DPP10: variants seen among roughly 807,000 people sequenced by gnomAD.
DPP10 encodes the protein dipeptidyl peptidase like 10, also known as inactive dipeptidyl peptidase 10.
In DPP10, 33 loss-of-function variants were observed where a neutral mutation model predicts 120.9. The observed-to-expected ratio is 0.27, with a 90% CI of 0.21 to 0.37. The LOEUF (loss-of-function observed/expected upper bound fraction) is 0.37, where lower values mean the gene tolerates loss of function less well. Ranked by LOEUF, DPP10 falls within the 10% of genes least tolerant of loss-of-function variation. The pLI is 1.00. For synonymous variants in DPP10, 337 were observed against 326.1 expected, an observed-to-expected ratio of 1.03 and a Z score of -0.36; for missense variants, 816 against 942.8, an observed-to-expected ratio of 0.87 and a Z score of 1.76.
intron 19 of DPP10, among the ~76,000 whole-genome samples, chr2:115,793,429 T>C (rs1325382171): frequency 1.3e-5 from 2 of 152,152 alleles, no homozygotes; most frequent in Non-Finnish European, 2.9e-5. Flanking sequence ...ATTATTAGTA[T>C]GGTGCAAAAG....
intron 1 of DPP10, among the ~76,000 whole-genome samples, chr2:115,151,218 G>C (rs772105659): frequency 2.6e-5 from 4 of 152,010 alleles, no homozygotes; most frequent in Non-Finnish European, 5.9e-5. Context: ...GTTACTGTTG[G>C]AAAGTTTAAT....
intron 1 of DPP10, among the ~76,000 whole-genome samples, chr2:115,208,563 A>G (rs973190993): frequency 2.6e-5 from 4 of 152,176 alleles, no homozygotes; most frequent in Non-Finnish European, 5.9e-5. Flanking sequence ...TAGACTCAAA[A>G]TCTGCTTTTT....
intron 1 of DPP10, among the ~76,000 whole-genome samples, chr2:115,232,571 A>T (rs2057789195): frequency 6.6e-6 from 1 of 152,218 alleles, no homozygotes; most frequent in South Asian, 2.1e-4. Flanking sequence ...ACTCTTCTGA[A>T]CATGTATAGA....
intron 11 of DPP10, among the ~76,000 whole-genome samples, chr2:115,757,512 A>G (rs1679571045): frequency 6.6e-6 from 1 of 152,092 alleles, no homozygotes; most frequent in African/African-American, 2.4e-5. Flanking sequence ...CTCATTCACT[A>G]TCATGAGAAC....
At chr2:115,791,730 T>C (rs1056114452) in intron 19 of DPP10, among the ~76,000 whole-genome samples, 6 of 152,210 alleles carry the variant, frequency 3.9e-5, no homozygotes, top group Admixed American at 1.3e-4. Context: ...ATCACTCCTA[T>C]TGATTTTTCC....
chr2:115,297,046 A>G (rs866312297), intron 1 of DPP10, among the ~76,000 whole-genome samples: 1 of 152,116 alleles, frequency 6.6e-6, no homozygotes, highest in South Asian at 2.1e-4. Context: ...TTAAATTGAT[A>G]TAGATGAAAC....
chr2:115,235,139 A>C (rs1288299060), intron 1 of DPP10, among the ~76,000 whole-genome samples: 1 of 152,192 alleles, frequency 6.6e-6, no homozygotes, highest in Non-Finnish European at 1.5e-5. Flanking sequence ...TCCAAAGGGA[A>C]AGGAAAATTG....
At chr2:115,527,518 A>T (rs2078204702) in intron 5 of DPP10, among the ~76,000 whole-genome samples, 1 of 152,178 alleles carries the variant, frequency 6.6e-6, no homozygotes, top group Non-Finnish European at 1.5e-5. Context: ...CCAAAGGAGG[A>T]TAAACTATTG....
rs564977102 is a variant in DPP10, at chr2:115,510,549, G to T, written c.366+10945G>T. On this transcript the variant is annotated intron_variant, in intron 4 of 25. Transcript: ENST00000410059. Reference sequence around the variant, plus strand: ...CAGAAGTTCAGTCTTGACTGTTGTAGCTATGTGGTGAGACTTGTAATCAAG... The same window carrying T: ...CAGAAGTTCAGTCTTGACTGTTGTATCTATGTGGTGAGACTTGTAATCAAG... 1.3e-3 allele frequency among the ~76,000 whole-genome samples: 192 copies of T among 152,176 alleles called. 1 individual carries two copies. The highest frequency in any genetic ancestry group is 4.6e-3 in the African/African-American group (189 of 41,536).
At chr2:114,514,822 G>A (rs1198886804) in intron 1 of DPP10, among the ~76,000 whole-genome samples, 1 of 151,562 alleles carries the variant, frequency 6.6e-6, no homozygotes, top group Non-Finnish European at 1.5e-5. Context: ...AATAAAGCAG[G>A]TGAGGGTTCC....
At chr2:114,493,038 T>G (rs1682142896) in intron 1 of DPP10, among the ~76,000 whole-genome samples, 1 of 152,140 alleles carries the variant, frequency 6.6e-6, no homozygotes, top group Admixed American at 6.6e-5. Flanking sequence ...AAATTAGAAC[T>G]GAAAACAGTT....
intron 1 of DPP10, among the ~76,000 whole-genome samples, chr2:115,187,054 T>C (rs1385718706): frequency 2.0e-5 from 2 of 97,884 alleles, no homozygotes; most frequent in Non-Finnish European, 2.0e-5. Flanking sequence ...TTTTTTTTTT[T>C]TGAGACGGAG....
At chr2:114,448,663 T>G (rs1450029871) in intron 1 of DPP10, among the ~76,000 whole-genome samples, 3 of 152,118 alleles carry the variant, frequency 2.0e-5, no homozygotes, top group African/African-American at 7.2e-5. Flanking sequence ...AATTACAAAA[T>G]AAGACACATC....
intron 1 of DPP10, among the ~76,000 whole-genome samples, chr2:115,063,525 G>A (rs1357218256): frequency 6.6e-6 from 1 of 152,068 alleles, no homozygotes; most frequent in Non-Finnish European, 1.5e-5. Context: ...TATACTACAA[G>A]GCTACAGTAA....
In DPP10 at chr2:114,952,128, T is replaced by C. The variant is rs145770436; in HGVS notation, c.61-357111T>C. On this transcript the variant is annotated intron_variant, in intron 1 of 25. Coordinates refer to ENST00000410059, the MANE Select transcript of DPP10 (RefSeq NM_020868.6). ...AACATATTAAAATCTCATATTAAAA[T>C]CTCAGAAGATACTTTTAGTGTTATA... Among the ~76,000 whole-genome samples the C allele has an allele frequency of 9.6e-3, 1,459 of 152,076 alleles. 29 individuals carry two copies. Among genetic ancestry groups the C allele is most frequent in the African/African-American group, 0.033 (1,390 of 41,518 alleles).
chr2:115,394,918 G>A (rs1218079149), intron 3 of DPP10, among the ~76,000 whole-genome samples: 1 of 152,154 alleles, frequency 6.6e-6, no homozygotes, highest in Non-Finnish European at 1.5e-5. Context: ...GTTGAGGGTG[G>A]CATAAGAGAG....
intron 1 of DPP10, among the ~76,000 whole-genome samples, chr2:114,803,657 C>T (rs2420448): frequency 0.61 from 93,223 of 151,940 alleles, 28,822 homozygotes; most frequent in East Asian, 0.78. Context: ...CCCTAGAGAT[C>T]CATGGAATTT....
chr2:114,823,500 C>A (rs1033866525), intron 1 of DPP10, among the ~76,000 whole-genome samples: 2 of 152,164 alleles, frequency 1.3e-5, no homozygotes, highest in African/African-American at 4.8e-5. Flanking sequence ...TTTATTAGTA[C>A]TTATGATGCC....
At chr2:115,682,636 T>A (rs1286889362) in intron 5 of DPP10, among the ~76,000 whole-genome samples, 2 of 151,876 alleles carry the variant, frequency 1.3e-5, no homozygotes, top group Non-Finnish European at 1.5e-5. Flanking sequence ...TAGCTGCTAT[T>A]AATACATAGG....
Sources: gnomAD v4.1 joint callset for allele counts (sites outside exome capture counted in the v4.1 genomes callset) on GRCh38, gnomAD v4.1.1 for gene constraint, MANE v1.5 for transcripts, NCBI Gene and HGNC (gene_info 2026-07-23, HGNC 2026-07-21) for gene names.